Variants in ADAMTS12 observed in about 807,000 individuals in gnomAD.
ADAMTS12 encodes ADAM metallopeptidase with thrombospondin type 1 motif 12.
Under a neutral mutation model 167.8 loss-of-function variants are expected in ADAMTS12, and 118 were observed. That is an observed-to-expected ratio of 0.70 (90% CI 0.61 to 0.82). ADAMTS12 has a LOEUF of 0.82. Among genes scored for constraint, ADAMTS12 ranks in the 40% least tolerant of loss-of-function variants. ADAMTS12 has a pLI of 0.00. For missense variants in ADAMTS12, 1,916 were observed against 1,998.8 expected (o/e 0.96, Z 0.79); for synonymous variants, 704 against 716.9 (o/e 0.98, Z 0.29).
At chr5:33,702,189 A>G (rs1743026981) in intron 3 of ADAMTS12, among the ~76,000 whole-genome samples, 1 of 152,232 alleles carries the variant, frequency 6.6e-6, no homozygotes, top group Non-Finnish European at 1.5e-5. Flanking sequence ...CTTCCTAGAC[A>G]CTTTTACAAA....
At chr5:33,649,985 C>T (rs1740816026) in intron 7 of ADAMTS12, among the ~76,000 whole-genome samples, 1 of 152,220 alleles carries the variant, frequency 6.6e-6, no homozygotes, top group African/African-American at 2.4e-5. Context: ...GTCTGGCTTT[C>T]TTTCTATGAA....
chr5:33,571,187 C>T lies in ADAMTS12; in HGVS notation c.3972+4867G>A, dbSNP rs947002798. ...CCACTGTCAACATTAGACAGATCAA[C>T]GAGACAGAAAGTTAACAAGGATACC... is the stretch of plus-strand genomic sequence containing the variant. On this transcript the variant is annotated intron_variant, in intron 19 of 23. Transcript: ENST00000504830. Among the ~76,000 whole-genome samples, 53 of 152,124 alleles carry T rather than the reference C, an allele frequency of 3.5e-4. No homozygotes were observed. The South Asian group carries it at 4.0e-3, about 11-fold the overall frequency.
chr5:33,819,414 T>A (rs559511543), intron 2 of ADAMTS12, among the ~76,000 whole-genome samples: 58 of 152,274 alleles, frequency 3.8e-4, no homozygotes, highest in African/African-American at 1.3e-3. Flanking sequence ...TCTGATTTGT[T>A]CCATTGGTCT....
intron 2 of ADAMTS12, among the ~76,000 whole-genome samples, chr5:33,807,534 T>G (rs1330819930): frequency 6.6e-6 from 1 of 152,248 alleles, no homozygotes; most frequent in African/African-American, 2.4e-5. Context: ...AGTTCTTTAT[T>G]TCAGAGCCTG....
At position 33,661,085 on chromosome 5, in the gene ADAMTS12, AG is replaced by A. The variant is rs527566263; in HGVS notation, c.1040+830del. Among the ~76,000 whole-genome samples the A allele has an allele frequency of 7.9e-5, 12 of 152,306 alleles. No homozygotes were observed. The East Asian group carries it at 1.9e-3, about 25-fold the overall frequency. The stretch of plus-strand genomic sequence containing the variant: ...AGTGCTTGAAGTTCTCTGTGGTTGA[AG>A]GGCAGGGCCAAGAGGCCTCCTTTAC... On this transcript the variant is annotated intron_variant, in intron 6 of 23. Transcript: ENST00000504830.
At chr5:33,740,413 G>A (rs950018682) in intron 3 of ADAMTS12, among the ~76,000 whole-genome samples, 4 of 152,164 alleles carry the variant, frequency 2.6e-5, no homozygotes, top group African/African-American at 9.7e-5. Flanking sequence ...CTCCGGCCTG[G>A]GGCAGGGAGG....
intron 7 of ADAMTS12, among the ~76,000 whole-genome samples, chr5:33,650,582 A>G (rs910843898): frequency 2.6e-5 from 4 of 152,226 alleles, no homozygotes; most frequent in Non-Finnish European, 4.4e-5. Context: ...GGCTCCTAAC[A>G]CAGTACTCTT....
rs946899834 is a variant in ADAMTS12, at chr5:33,757,200, T to C, written c.490-5652A>G. 3.3e-5 allele frequency among the ~76,000 whole-genome samples: 5 copies of C among 152,212 alleles called. No homozygotes were observed. In the South Asian group the frequency reaches 6.2e-4, roughly 19 times the overall value. Reference sequence around the variant, plus strand: ...TGCAAAAATGTGACCTACTTCACTATAATGGTTTGGTTTTCATAAGCAAAT... The same window carrying C: ...TGCAAAAATGTGACCTACTTCACTACAATGGTTTGGTTTTCATAAGCAAAT... On this transcript the variant is annotated intron_variant, in intron 2 of 23. Coordinates refer to ENST00000504830, the MANE Select transcript of ADAMTS12 (RefSeq NM_030955.4).
At chr5:33,705,356 C>T (rs1482033517) in intron 3 of ADAMTS12, among the ~76,000 whole-genome samples, 9 of 150,960 alleles carry the variant, frequency 6.0e-5, no homozygotes, top group African/African-American at 2.2e-4. Context: ...ATACCTTTGC[C>T]TTTGCCCAAT....
At chr5:33,643,599 G>C (rs1740549763) in intron 9 of ADAMTS12, 129 bp from the exon 10 acceptor site, 1 of 766,280 alleles carries the variant, frequency 1.3e-6, no homozygotes, top group Non-Finnish European at 2.2e-6. Flanking sequence ...GACTAAGAGT[G>C]ACAGAAAGCA....
At chr5:33,686,769 A>C (rs59134524) in intron 3 of ADAMTS12, among the ~76,000 whole-genome samples, 32,750 of 149,170 alleles carry the variant, frequency 0.22, 3,693 homozygotes, top group African/African-American at 0.26. Context: ...CTCTCTCTAT[A>C]TATATATATA....
intron 13 of ADAMTS12, among the ~76,000 whole-genome samples, chr5:33,626,924 G>T (rs1431986396): frequency 6.6e-6 from 1 of 151,376 alleles, no homozygotes; most frequent in Non-Finnish European, 1.5e-5. Flanking sequence ...TGGTGGTGAT[G>T]TGGTAGTAGT....
chr5:33,604,865 T>C (rs920442940), intron 16 of ADAMTS12, among the ~76,000 whole-genome samples: 5 of 152,136 alleles, frequency 3.3e-5, no homozygotes, highest in Admixed American at 3.3e-4. Flanking sequence ...GAAATTACAC[T>C]CTAATCAAAC....
At chr5:33,648,524 G>T (rs1352118552) in intron 9 of ADAMTS12, among the ~76,000 whole-genome samples, 2 of 152,226 alleles carry the variant, frequency 1.3e-5, no homozygotes, top group Admixed American at 6.5e-5. Context: ...TAGGGATTAA[G>T]TTGGTTGCTA....
At chr5:33,535,035 A>T (rs755348904) in intron 22 of ADAMTS12, 43 bp from the exon 23 acceptor site, 1 of 1,540,744 alleles carries the variant, frequency 6.5e-7, no homozygotes, top group East Asian at 2.3e-5. Flanking sequence ...CCTCCCCACG[A>T]CTCCCAAGGA....
chr5:33,783,244 C>G (rs1255834818), intron 2 of ADAMTS12, among the ~76,000 whole-genome samples: 1 of 151,302 alleles, frequency 6.6e-6, no homozygotes, highest in Non-Finnish European at 1.5e-5. Context: ...TTATGGGTTA[C>G]AATGAAAATA....
intron 5 of ADAMTS12, among the ~76,000 whole-genome samples, chr5:33,664,772 A>G (rs1011704302): frequency 6.6e-5 from 10 of 152,146 alleles, no homozygotes; most frequent in Non-Finnish European, 1.5e-4. Context: ...GAACTACCAT[A>G]TGATCCCAGA....
intron 2 of ADAMTS12, among the ~76,000 whole-genome samples, chr5:33,877,669 G>A (rs891459203): frequency 2.0e-5 from 3 of 152,194 alleles, no homozygotes; most frequent in African/African-American, 4.8e-5. Flanking sequence ...CTGCTGAGCC[G>A]AGACACGGGC....
intron 9 of ADAMTS12, among the ~76,000 whole-genome samples, chr5:33,647,623 T>C (rs1277589409): frequency 5.3e-5 from 8 of 152,112 alleles, no homozygotes; most frequent in African/African-American, 1.7e-4. Flanking sequence ...CCCAGCTACT[T>C]GGGAGGCTGA....
Sources: gnomAD v4.1 joint callset for allele counts (sites outside exome capture counted in the v4.1 genomes callset) on GRCh38, gnomAD v4.1.1 for gene constraint, MANE v1.5 for transcripts, NCBI Gene and HGNC (gene_info 2026-07-23, HGNC 2026-07-21) for gene names.